SSH2: variants seen among roughly 807,000 people sequenced by gnomAD.
SSH2 encodes protein phosphatase Slingshot homolog 2.
Under a neutral mutation model 135.2 loss-of-function variants are expected in SSH2, and 37 were observed. That is an observed-to-expected ratio of 0.27 (90% CI 0.21 to 0.36). The LOEUF is 0.36. Among genes scored for constraint, SSH2 ranks in the 10% least tolerant of loss-of-function variants. The pLI is 1.00. For synonymous variants in SSH2, 628 were observed against 646.2 expected (o/e 0.97, Z 0.43); for missense variants, 1,408 against 1,765.3 (o/e 0.80, Z 3.63).
intron 12 of SSH2, among the ~76,000 whole-genome samples, chr17:29,653,621 C>T (rs1288786665): frequency 2.0e-5 from 3 of 151,836 alleles, no homozygotes; most frequent in East Asian, 3.9e-4. Context: ...GAGTCTCACT[C>T]TGTTGCCTAG....
At chr17:29,879,234 T>A (rs1044291987) in intron 1 of SSH2, among the ~76,000 whole-genome samples, 2 of 152,208 alleles carry the variant, frequency 1.3e-5, no homozygotes, top group African/African-American at 2.4e-5. Context: ...CATTTCCATA[T>A]TATGGATATA....
intron 3 of SSH2, among the ~76,000 whole-genome samples, chr17:29,736,172 C>G (rs1485682552): frequency 6.6e-6 from 1 of 152,138 alleles, no homozygotes; most frequent in Non-Finnish European, 1.5e-5. Flanking sequence ...TAAAGCCCTA[C>G]AGTACTAGAC....
At position 29,631,521 on chromosome 17, in the gene SSH2, C is replaced by T. The variant is rs759820578; in HGVS notation, c.3673G>A (p.Glu1225Lys). ...LISKLGDNTG[E>K]LQEKMDPLPV... is the part of the protein sequence containing the mutation. ...AATGGGTCCATTTTCTCCTGTAACT[C>T]CCCAGTGTTGTCACCAAGTTTGCTA... The change falls in exon 16 of 16, where the codon GAG becomes AAG. Residue 1225 changes from glutamate to lysine, a missense_variant. Coordinates refer to ENST00000540801, the MANE Select transcript of SSH2 (RefSeq NM_001282129.2). The T allele has an allele frequency of 1.9e-6, 3 of 1,614,120 alleles. No individual in the cohort carries two copies. The Admixed American group carries it at 5.0e-5, about 27-fold the overall frequency.
chr17:29,737,781 A>G (rs2040419000), intron 3 of SSH2, among the ~76,000 whole-genome samples: 3 of 152,230 alleles, frequency 2.0e-5, no homozygotes, highest in African/African-American at 2.4e-5. Context: ...AAAATTCCAT[A>G]AAGTAGACTG....
In SSH2 at chr17:29,892,231, T is replaced by C. The variant is rs2066363974; in HGVS notation, c.63+37707A>G. On this transcript the variant is annotated intron_variant, in intron 1 of 15. Coordinates refer to ENST00000540801, the MANE Select transcript of SSH2 (RefSeq NM_001282129.2). Reference sequence around the variant, plus strand: ...AATAGCAAACATTTTAAATAGTAAATACATATAAATTAAAAACATCTGAAA... The same window carrying C: ...AATAGCAAACATTTTAAATAGTAAACACATATAAATTAAAAACATCTGAAA... Among the ~76,000 whole-genome samples, 4 of 152,072 alleles carry C rather than the reference T, an allele frequency of 2.6e-5. 1 individual carries two copies. In the South Asian group the frequency reaches 8.3e-4, roughly 32 times the overall value.
intron 2 of SSH2, among the ~76,000 whole-genome samples, chr17:29,832,050 C>T (rs1329093038): frequency 6.6e-6 from 1 of 152,170 alleles, no homozygotes; most frequent in African/African-American, 2.4e-5. Context: ...ACCTATTATA[C>T]ACATTTTCTC....
intron 4 of SSH2, among the ~76,000 whole-genome samples, chr17:29,702,468 A>G (rs1441942112): frequency 2.0e-5 from 3 of 151,830 alleles, no homozygotes; most frequent in African/African-American, 7.3e-5. Context: ...CAGCCTGGCT[A>G]ATGTGGTAAA....
At chr17:29,774,347 C>T (rs1224822177) in intron 3 of SSH2, among the ~76,000 whole-genome samples, 1 of 152,092 alleles carries the variant, frequency 6.6e-6, no homozygotes, top group African/African-American at 2.4e-5. Flanking sequence ...TCACTGCAAC[C>T]TCCTCCTCCT....
intron 2 of SSH2, among the ~76,000 whole-genome samples, chr17:29,832,016 A>G (rs1338078430): frequency 1.3e-5 from 2 of 152,142 alleles, no homozygotes; most frequent in Non-Finnish European, 2.9e-5. Flanking sequence ...GGAATGGACT[A>G]TTCTCTTCTT....
intron 3 of SSH2, among the ~76,000 whole-genome samples, chr17:29,763,489 T>C (rs567177442): frequency 7.4e-4 from 111 of 150,472 alleles, no homozygotes; most frequent in African/African-American, 2.0e-3. Context: ...AGCCTCCTGC[T>C]GTGATTAAAA....
chr17:29,648,017 A>C (rs2036445890), intron 14 of SSH2, 127 bp downstream of exon 14: 1 of 914,598 alleles, frequency 1.1e-6, no homozygotes, highest in Non-Finnish European at 1.7e-6. Flanking sequence ...GGATTGATAG[A>C]GAAATAAGTC....
chr17:29,782,072 C>G (rs1458457882), intron 3 of SSH2, among the ~76,000 whole-genome samples: 1 of 151,898 alleles, frequency 6.6e-6, no homozygotes, highest in African/African-American at 2.4e-5. Context: ...TCTTGAACTC[C>G]TGACCTCAGA....
chr17:29,710,756 C>A (rs1230264083), intron 3 of SSH2, among the ~76,000 whole-genome samples: 1 of 152,166 alleles, frequency 6.6e-6, no homozygotes, highest in Non-Finnish European at 1.5e-5. Flanking sequence ...GGCCAAACCC[C>A]TAAAACTGGA....
chr17:29,801,208 G>T (rs1369273024), intron 2 of SSH2, among the ~76,000 whole-genome samples: 1 of 152,078 alleles, frequency 6.6e-6, no homozygotes, highest in Non-Finnish European at 1.5e-5. Context: ...TTATTAATCT[G>T]TTTACTACCT....
rs1464451279 is a variant in SSH2 at position 29,831,061 on chromosome 17, G to A, written c.144+17788C>T. Among the ~76,000 whole-genome samples the A allele has an allele frequency of 3.9e-5, 6 of 152,172 alleles. No individual in the cohort carries two copies. In the East Asian group the frequency reaches 9.6e-4, roughly 24 times the overall value. On this transcript the variant is annotated intron_variant, in intron 2 of 15. Coordinates refer to ENST00000540801, the MANE Select transcript of SSH2 (RefSeq NM_001282129.2). ...TTTTAATTTTTACTTGTTATATGGA[G>A]CTCATAACAGGATAAGCCATAAATT...
chr17:29,639,951 T>C (rs2036078194), intron 14 of SSH2, among the ~76,000 whole-genome samples: 1 of 152,184 alleles, frequency 6.6e-6, no homozygotes, highest in African/African-American at 2.4e-5. Flanking sequence ...CCCACCATAG[T>C]AGGACAATGC....
intron 5 of SSH2, among the ~76,000 whole-genome samples, chr17:29,688,287 G>A (rs1031651695): frequency 1.7e-4 from 26 of 152,052 alleles, no homozygotes; most frequent in African/African-American, 5.6e-4. Flanking sequence ...GGGATTACAG[G>A]TGCGAGCCAC....
At chr17:29,856,143 G>T in intron 1 of SSH2, 1 of 287,302 alleles carries the variant, frequency 3.5e-6, no homozygotes, top group South Asian at 3.2e-5. Context: ...GATAAGGCCG[G>T]GTGTTGCTTA....
intron 12 of SSH2, 148 bp from the exon 13 acceptor site, chr17:29,650,948 A>ATATT (rs2036557647): frequency 1.6e-6 from 1 of 612,556 alleles, no homozygotes; most frequent in Admixed American, 3.5e-5. Flanking sequence ...CTAAGAGGTT[A>ATATT]TATTTATTTA....
Sources: allele counts gnomAD v4.1 joint callset (sites outside exome capture counted in the v4.1 genomes callset), GRCh38; gene constraint gnomAD v4.1.1; transcripts MANE v1.5; gene names NCBI Gene and HGNC (gene_info 2026-07-23, HGNC 2026-07-21).